CPNE4: variants seen among roughly 807,000 people sequenced by gnomAD.
CPNE4 encodes copine-4.
A neutral mutation model predicts 67.9 loss-of-function variants in CPNE4; 25 were observed. The observed-to-expected ratio is 0.37, with a 90% CI of 0.27 to 0.51. The LOEUF (loss-of-function observed/expected upper bound fraction) is 0.51. Among genes scored for constraint, CPNE4 ranks in the 20% least tolerant of loss-of-function variants. CPNE4 has a pLI of 0.93. For synonymous variants in CPNE4, 242 were observed against 244.9 expected (o/e 0.99, Z 0.11); for missense variants, 464 against 690.8 (o/e 0.67, Z 3.68).
Position 131,552,473 on chromosome 3 carries a change from T to C in CPNE4, c.1135A>G (p.Ile379Val). The C allele has an allele frequency of 1.9e-6, 3 of 1,612,720 alleles. No individual in the cohort carries two copies. Among genetic ancestry groups the C allele is most frequent in the Non-Finnish European group, 2.5e-6 (3 of 1,179,120 alleles). Residue 379 changes from isoleucine (I) to valine (V), a missense_variant, in exon 13 of 16, where the codon ATC (isoleucine) becomes GTC (valine). Ile to Val is a conservative substitution (Grantham distance 29, BLOSUM62 3). Around this residue, in one of 6 missense-constraint regions of CPNE4, gnomAD observed 201 missense variants for 357.7 expected, o/e 0.56. Coordinates refer to ENST00000429747, the MANE Select transcript of CPNE4 (RefSeq NM_130808.3). Reference sequence around the variant, plus strand: ...TCTGGGTTGTCTTCATTAAAGTTGATTGCAAAGTCATGAGAGACCTAGACA... The same window carrying C: ...TCTGGGTTGTCTTCATTAAAGTTGACTGCAAAGTCATGAGAGACCTAGACA... ...PEYTVSHDFA[I>V]NFNEDNPECA...
chr3:131,740,984 A>G (rs1487927995), intron 2 of CPNE4, among the ~76,000 whole-genome samples: 1 of 152,032 alleles, frequency 6.6e-6, no homozygotes, highest in Non-Finnish European at 1.5e-5. Context: ...AAATATCCAC[A>G]TGGCTCTTTC....
chr3:131,701,164 A>G (rs150419846), intron 3 of CPNE4, among the ~76,000 whole-genome samples: 2,052 of 151,902 alleles, frequency 0.014, 43 homozygotes, highest in African/African-American at 0.046. Flanking sequence ...TAATGGGTGC[A>G]GCACATCAAC....
At chr3:131,615,287 G>A (rs1375524610) in intron 7 of CPNE4, among the ~76,000 whole-genome samples, 2 of 152,180 alleles carry the variant, frequency 1.3e-5, no homozygotes, top group Non-Finnish European at 2.9e-5. Flanking sequence ...TGTAAATACA[G>A]TTTAGGTCTC....
intron 1 of CPNE4, among the ~76,000 whole-genome samples, chr3:131,910,064 C>T (rs867473319): frequency 3.9e-5 from 6 of 151,976 alleles, no homozygotes; most frequent in Admixed American, 2.6e-4. Context: ...AGAGAAAAAA[C>T]ATTTGTGATC....
chr3:131,683,973 C>T (rs1560109765), intron 6 of CPNE4, among the ~76,000 whole-genome samples: 1 of 152,086 alleles, frequency 6.6e-6, no homozygotes, highest in Non-Finnish European at 1.5e-5. Context: ...TAATCACTGT[C>T]TCTTCCCCAA....
At chr3:131,625,230 A>G (rs983429237) in intron 7 of CPNE4, among the ~76,000 whole-genome samples, 2 of 152,180 alleles carry the variant, frequency 1.3e-5, no homozygotes, top group South Asian at 2.1e-4. Flanking sequence ...CTATTATTTA[A>G]AGAAACATCC....
intron 2 of CPNE4, among the ~76,000 whole-genome samples, chr3:131,824,343 A>T (rs180722420): frequency 1.3e-5 from 2 of 152,222 alleles, no homozygotes; most frequent in Non-Finnish European, 2.9e-5. Flanking sequence ...GAACTCAAAG[A>T]TTAAAAAAGA....
intron 1 of CPNE4, among the ~76,000 whole-genome samples, chr3:132,032,721 A>G (rs901080735): frequency 1.6e-5 from 1 of 63,640 alleles, no homozygotes; most frequent in Non-Finnish European, 3.4e-5. Context: ...CTCTCTTTAA[A>G]AATGGGCAGG....
At chr3:131,690,829 A>G (rs1469688128) in intron 5 of CPNE4, among the ~76,000 whole-genome samples, 2 of 152,186 alleles carry the variant, frequency 1.3e-5, no homozygotes. Context: ...CTCAGAATTT[A>G]TAAGGAACTT....
chr3:131,757,284 C>T (rs1000995141), intron 2 of CPNE4, among the ~76,000 whole-genome samples: 14 of 152,070 alleles, frequency 9.2e-5, no homozygotes, highest in African/African-American at 3.4e-4. Context: ...ATGCTGATAG[C>T]GATATAGACA....
At chr3:131,566,763 C>T (rs1937077512) in intron 10 of CPNE4, among the ~76,000 whole-genome samples, 1 of 151,920 alleles carries the variant, frequency 6.6e-6, no homozygotes, top group Non-Finnish European at 1.5e-5. Flanking sequence ...GGGATAATGG[C>T]ACCTTGCACA....
At chr3:131,541,573 C>CTTT (rs74269437) in intron 15 of CPNE4, among the ~76,000 whole-genome samples, 14 of 138,454 alleles carry the variant, frequency 1.0e-4, no homozygotes, top group Admixed American at 2.9e-4. Context: ...TCAAAGATTA[C>CTTT]TTTTTTTTTT....
chr3:131,559,178 T>C (rs1412030770), intron 11 of CPNE4, among the ~76,000 whole-genome samples: 2 of 152,084 alleles, frequency 1.3e-5, no homozygotes, highest in Non-Finnish European at 2.9e-5. Context: ...TGTCAGCTGG[T>C]AGTTCATTGA....
chr3:131,878,718 G>A (rs140399471), intron 2 of CPNE4, among the ~76,000 whole-genome samples: 28 of 152,248 alleles, frequency 1.8e-4, no homozygotes, highest in Non-Finnish European at 3.1e-4. Flanking sequence ...TTCTTAACCC[G>A]TTTGCTATAA....
At chr3:131,945,561 C>T (rs2071528216) in intron 1 of CPNE4, among the ~76,000 whole-genome samples, 1 of 152,216 alleles carries the variant, frequency 6.6e-6, no homozygotes, top group African/African-American at 2.4e-5. Context: ...GTGAAACTTT[C>T]TCAGGGCTCA....
intron 2 of CPNE4, among the ~76,000 whole-genome samples, chr3:131,820,015 G>A (rs530053822): frequency 1.3e-5 from 2 of 152,264 alleles, no homozygotes; most frequent in South Asian, 2.1e-4. Flanking sequence ...CACTTCATGT[G>A]TTTCCTTAGA....
intron 2 of CPNE4, among the ~76,000 whole-genome samples, chr3:131,893,998 A>C (rs998994117): frequency 1.3e-5 from 2 of 151,956 alleles, no homozygotes; most frequent in Non-Finnish European, 2.9e-5. Context: ...CTACAAAAAA[A>C]AGATTCAAAA....
intron 2 of CPNE4, among the ~76,000 whole-genome samples, chr3:131,896,743 C>A (rs1455142576): frequency 6.6e-6 from 1 of 151,974 alleles, no homozygotes; most frequent in Non-Finnish European, 1.5e-5. Context: ...TACTTGATAC[C>A]TCCTGGTGCC....
intron 2 of CPNE4, among the ~76,000 whole-genome samples, chr3:131,776,505 C>T (rs974672143): frequency 1.3e-5 from 2 of 152,092 alleles, no homozygotes; most frequent in East Asian, 3.9e-4. Context: ...CCTGTCACCA[C>T]CCACAAGGGA....
Sources: gnomAD v4.1 joint callset for allele counts (sites outside exome capture counted in the v4.1 genomes callset) on GRCh38, gnomAD v4.1.1 for gene constraint, gnomAD v4.1.1 regional missense constraint, MANE v1.5 for transcripts, NCBI Gene and HGNC (gene_info 2026-07-23, HGNC 2026-07-21) for gene names.